The following LRRC25 variants were observed in gnomAD, a reference collection of about 807,000 sequenced individuals.
The protein encoded by LRRC25 is leucine rich repeat containing 25.
Under a neutral mutation model 18.8 loss-of-function variants are expected in LRRC25, and 5 were observed. The observed-to-expected ratio is 0.27, with a 90% CI of 0.14 to 0.56. The LOEUF (loss-of-function observed/expected upper bound fraction) is 0.56, where lower values mean the gene tolerates loss of function less well. Ranked by LOEUF, LRRC25 falls within the 20% of genes least tolerant of loss-of-function variation. The pLI is 0.93. For synonymous variants in LRRC25, 161 were observed against 176.8 expected (o/e 0.91, Z 0.71); for missense variants, 341 against 389.8 (o/e 0.87, Z 1.05).
Position 18,396,743 on chromosome 19 carries a change from C to A in LRRC25, c.221G>T (p.Arg74Leu), listed in dbSNP as rs755311220. The A allele has an allele frequency of 1.2e-6, 2 of 1,614,106 alleles. No homozygotes were observed. Among genetic ancestry groups the A allele is most frequent in the South Asian group, 1.1e-5 (1 of 91,076 alleles). ...GGCAAAGAAGGTCACTGGAAGCTCT[C>A]GCAGGCCGTTCCCAGACAGGTCAAG... ...ILLDLSGNGL[R>L]ELPVTFFAHL... The change falls in exon 1 of 2, where the codon CGA (arginine) becomes CTA (leucine). Residue 74 changes from arginine to leucine, a missense_variant. Transcript: ENST00000339007.
At chr19:18,393,534 T>TGG (rs1971927111) in intron 1 of LRRC25, among the ~76,000 whole-genome samples, 1 of 151,208 alleles carries the variant, frequency 6.6e-6, no homozygotes, top group Non-Finnish European at 1.5e-5. Flanking sequence ...GGCAGGAGAA[T>TGG]CACTTGAACC....
intron 1 of LRRC25, among the ~76,000 whole-genome samples, chr19:18,393,471 G>A (rs971769654): frequency 1.3e-5 from 2 of 152,100 alleles, no homozygotes; most frequent in Admixed American, 6.6e-5. Context: ...AAAATTAGCC[G>A]GGTGTGATGG....
intron 1 of LRRC25, among the ~76,000 whole-genome samples, chr19:18,395,296 G>A (rs1388655518): frequency 2.6e-5 from 4 of 151,554 alleles, no homozygotes; most frequent in South Asian, 2.1e-4. Context: ...GCATGAACCC[G>A]GGAGGCGGAG....
At position 18,396,828 on chromosome 19, in the gene LRRC25, T is replaced by C; in HGVS notation, c.136A>G (p.Ser46Gly). The change falls in exon 1 of 2, where the codon AGT (serine) becomes GGT (glycine). Residue 46 changes from serine (S) to glycine (G), a missense_variant. Coordinates refer to ENST00000339007, the MANE Select transcript of LRRC25 (RefSeq NM_145256.3). ...TGAGGCAGGCTCAGGCTGAGGCCAC[T>C]GAAATTCAGGCACGTGGCACTGAAC... is the stretch of plus-strand genomic sequence containing the variant. ...AEFSATCLNF[S>G]GLSLSLPHNQ... 6.2e-7 allele frequency: 1 copy of C among 1,613,982 alleles called. No homozygotes were observed. Among genetic ancestry groups the C allele is most frequent in the Non-Finnish European group, 8.5e-7 (1 of 1,180,034 alleles).
Position 18,392,069 on chromosome 19 carries a change from G to A in LRRC25, c.836C>T (p.Ala279Val). The A allele has an allele frequency of 3.1e-6, 5 of 1,614,212 alleles. No individual in the cohort carries two copies. The highest frequency in any genetic ancestry group is 4.2e-6 in the Non-Finnish European group (5 of 1,180,032). ...CAGGTTACAGTAGACAGGCTGGGAA[G>A]CCAGGTCGATGTCCTTGTAGTTGAT... ...FYINYKDIDL[A>V]SQPVYCNLQS... is the part of the protein sequence containing the mutation. Residue 279 changes from alanine to valine, a missense_variant, in exon 2 of 2, where the codon GCT (alanine) becomes GTT (valine). By Grantham distance (64) the Ala-to-Val change is moderately conservative. Transcript: ENST00000339007.
In LRRC25 at chr19:18,391,255, T is replaced by C. The variant is rs1478097846; in HGVS notation, c.*732A>G. The C allele has an allele frequency of 2.6e-5, 4 of 152,246 alleles. No homozygotes were observed. The East Asian group carries it at 5.8e-4, about 22-fold the overall frequency. The allele number at this position is 152,246 out of a possible 1,614,324, so 9.4% of individuals were successfully genotyped here. A position where few individuals can be genotyped will look rare whatever the true frequency, so the allele number is the denominator to read the frequency against. The stretch of plus-strand genomic sequence containing the variant: ...CCCTGAGAGGGGCAGAAGGGAGGAA[T>C]GTGCCTGGGCGCAGTGGCCACGCCT... On this transcript the variant is annotated 3_prime_UTR_variant, in exon 2 of 2. Transcript: ENST00000339007.
rs990174371 is a variant in LRRC25 at position 18,394,594 on chromosome 19, C to G, written c.779+1591G>C. Among the ~76,000 whole-genome samples, 2 of 152,166 alleles carry G rather than the reference C, an allele frequency of 1.3e-5. 1 individual carries two copies. Among genetic ancestry groups the G allele is most frequent in the South Asian group, 4.1e-4 (2 of 4,828 alleles). On this transcript the variant is annotated intron_variant, in intron 1 of 1. Transcript: ENST00000339007. ...TGTTGGGATTACAGGCATGAGCCAC[C>G]GTGCCCGGCCTAATTTTTGTATTTT... is the stretch of plus-strand genomic sequence containing the variant.
intron 1 of LRRC25, among the ~76,000 whole-genome samples, chr19:18,395,086 T>C (rs192999284): frequency 5.2e-4 from 79 of 150,808 alleles, no homozygotes; most frequent in Middle Eastern, 3.4e-3. Context: ...CAAAAAAAAA[T>C]GTCGGCTGGG....
chr19:18,396,035 T>C (rs1442640144), intron 1 of LRRC25, 150 bp downstream of exon 1: 2 of 995,626 alleles, frequency 2.0e-6, no homozygotes, highest in East Asian at 5.0e-5. Flanking sequence ...CCCCATTTTA[T>C]AGGTGAGGAG....
chr19:18,396,941 G>A lies in LRRC25; in HGVS notation c.23C>T (p.Thr8Met), dbSNP rs201614998. MGGTLAW[T>M]LLLPLLLRES... ...CCGCAGCAGCAGCGGCAACAGCAGC[G>A]TCCATGCCAGGGTGCCCCCCATTCA... is the stretch of plus-strand genomic sequence containing the variant. Residue 8 changes from threonine (T) to methionine (M), a missense_variant, in exon 1 of 2, where the codon ACG becomes ATG. By Grantham distance (81) the Thr-to-Met change is moderately conservative. Coordinates refer to ENST00000339007, the MANE Select transcript of LRRC25 (RefSeq NM_145256.3). The A allele has an allele frequency of 1.9e-6, 3 of 1,609,220 alleles. No homozygotes were observed. The highest frequency in any genetic ancestry group is 4.5e-5 in the East Asian group (2 of 44,796).
At chr19:18,395,720 T>C (rs972257692) in intron 1 of LRRC25, among the ~76,000 whole-genome samples, 6 of 152,108 alleles carry the variant, frequency 3.9e-5, no homozygotes, top group Admixed American at 3.9e-4. Context: ...TTTTACTTTA[T>C]TTTATTGATT....
In LRRC25 at chr19:18,396,757, A is replaced by G; in HGVS notation, c.207T>C (p.Ser69=). 1 of 1,614,140 alleles carries G rather than the reference A, an allele frequency of 6.2e-7. No individual in the cohort carries two copies. The highest frequency in any genetic ancestry group is 8.5e-7 in the Non-Finnish European group (1 of 1,180,038). The change falls in exon 1 of 2, where the codon TCT becomes TCC. Residue 69 remains serine (S), a synonymous_variant. Transcript: ENST00000339007. ...RASNVILLDL[S]GNGLRELPVT... ...CTGGAAGCTCTCGCAGGCCGTTCCC[A>G]GACAGGTCAAGGAGAATCACGTTGC...
chr19:18,396,043 G>C (rs568769006), intron 1 of LRRC25, 142 bp downstream of exon 1: 231 of 1,051,656 alleles, frequency 2.2e-4, no homozygotes, highest in Non-Finnish European at 3.0e-4. Flanking sequence ...TATAGGTGAG[G>C]AGACTGAGGC....
Position 18,396,479 on chromosome 19 carries a change from G to T in LRRC25, c.485C>A (p.Ala162Asp), listed in dbSNP as rs1048431895. The T allele has an allele frequency of 3.1e-6, 5 of 1,613,416 alleles. No homozygotes were observed. In the African/African-American group the frequency reaches 4.0e-5, roughly 13 times the overall value. Residue 162 changes from alanine (A) to aspartate (D), a missense_variant, in exon 1 of 2, where the codon GCC becomes GAC. Ala to Asp is a moderately radical substitution (Grantham distance 126). Transcript: ENST00000339007. ...FLEVSCAPGL[A>D]SATIGAVVVS... ...CACCACTGCCCCGATAGTTGCAGAG[G>T]CCAGGCCAGGGGCGCAGCTGACCTC...
In LRRC25 at chr19:18,396,358, G is replaced by C. The variant is rs370495446; in HGVS notation, c.606C>G (p.Asn202Lys). 2.6e-5 allele frequency: 42 copies of C among 1,613,694 alleles called. No homozygotes were observed. Among genetic ancestry groups the C allele is most frequent in the Non-Finnish European group, 3.4e-5 (40 of 1,180,014 alleles). The change falls in exon 1 of 2, where the codon AAC becomes AAG. Residue 202 changes from asparagine (N) to lysine (K), a missense_variant. By Grantham distance (94) the Asn-to-Lys change is moderately conservative. Coordinates refer to ENST00000339007, the MANE Select transcript of LRRC25 (RefSeq NM_145256.3). Reference protein sequence around the residue: ...RCRVARSRELNKPWAAQDGPK... With the variant: ...RCRVARSRELKKPWAAQDGPK... ...GCCCATCCTGAGCAGCCCAGGGTTT[G>C]TTCAGCTCCCGGCTTCTGGCCACTC...
At chr19:18,394,493 G>A (rs1013815588) in intron 1 of LRRC25, among the ~76,000 whole-genome samples, 2 of 152,000 alleles carry the variant, frequency 1.3e-5, no homozygotes, top group African/African-American at 4.8e-5. Flanking sequence ...TTTTAGTAGA[G>A]ACAGGGTTTC....
At chr19:18,395,339 C>A (rs1280378195) in intron 1 of LRRC25, among the ~76,000 whole-genome samples, 2 of 146,416 alleles carry the variant, frequency 1.4e-5, no homozygotes, top group Admixed American at 7.0e-5. Context: ...TCACTACACT[C>A]TAGCCTGGAT....
At chr19:18,394,739 C>T (rs1376190146) in intron 1 of LRRC25, among the ~76,000 whole-genome samples, 15 of 152,154 alleles carry the variant, frequency 9.9e-5, no homozygotes, top group Admixed American at 3.3e-4. Flanking sequence ...CCACCGCACC[C>T]CACACCAACC....
In LRRC25 at chr19:18,391,994, C is replaced by T. The variant is rs1371064140; in HGVS notation, c.911G>A (p.Gly304Glu). ...GGTTAGGACATCTTAGGCTCAGTGC[C>T]CGGGGATCACGTACTCCTCTTCATC... The part of the protein sequence containing the change: ...PMDEEEYVIP[G>E]H The change falls in exon 2 of 2, where the codon GGG (glycine) becomes GAG (glutamate). Residue 304 changes from glycine (G) to glutamate (E), a missense_variant. Coordinates refer to ENST00000339007, the MANE Select transcript of LRRC25 (RefSeq NM_145256.3). 6.2e-7 allele frequency: 1 copy of T among 1,613,718 alleles called. No homozygotes were observed. The highest frequency in any genetic ancestry group is 8.5e-7 in the Non-Finnish European group (1 of 1,179,870).
Sources: gnomAD v4.1 joint callset for allele counts (sites outside exome capture counted in the v4.1 genomes callset) on GRCh38, gnomAD v4.1.1 for gene constraint, MANE v1.5 for transcripts, NCBI Gene and HGNC (gene_info 2026-07-23, HGNC 2026-07-21) for gene names.